KCTD16: variants seen among roughly 807,000 people sequenced by gnomAD.
KCTD16 encodes the protein potassium channel tetramerization domain containing 16, also known as BTB/POZ domain-containing protein KCTD16.
A neutral mutation model predicts 33.2 loss-of-function variants in KCTD16; 13 were observed. That is an observed-to-expected ratio of 0.39 (90% CI 0.25 to 0.62). KCTD16 has a LOEUF of 0.62. Among genes scored for constraint, KCTD16 ranks in the 20% least tolerant of loss-of-function variants. KCTD16 has a pLI of 0.50. For missense variants in KCTD16, 441 were observed against 525.1 expected (o/e 0.84, Z 1.57); for synonymous variants, 197 against 195.3 (o/e 1.01, Z -0.07).
At chr5:144,356,429 A>G (rs1751573321) in intron 3 of KCTD16, among the ~76,000 whole-genome samples, 1 of 151,968 alleles carries the variant, frequency 6.6e-6, no homozygotes, top group Non-Finnish European at 1.5e-5. Context: ...TTTTTTCATG[A>G]AACCCATCTA....
intron 3 of KCTD16, among the ~76,000 whole-genome samples, chr5:144,465,868 T>C (rs1359281652): frequency 6.7e-6 from 1 of 149,620 alleles, no homozygotes; most frequent in Non-Finnish European, 1.5e-5. Flanking sequence ...GTAGACCGGT[T>C]GCTCTTGTCA....
intron 3 of KCTD16, among the ~76,000 whole-genome samples, chr5:144,468,951 G>A (rs1486244048): frequency 6.6e-6 from 1 of 152,174 alleles, no homozygotes; most frequent in Non-Finnish European, 1.5e-5. Context: ...TTCTGTTTAA[G>A]TTCTTCTTTA....
chr5:144,264,587 A>T (rs1470579619), intron 3 of KCTD16, among the ~76,000 whole-genome samples: 1 of 151,824 alleles, frequency 6.6e-6, no homozygotes, highest in African/African-American at 2.4e-5. Flanking sequence ...ACATAGGAAG[A>T]CCCCATCTCT....
At chr5:144,449,899 T>G (rs1300665925) in intron 3 of KCTD16, among the ~76,000 whole-genome samples, 1 of 152,034 alleles carries the variant, frequency 6.6e-6, no homozygotes, top group Non-Finnish European at 1.5e-5. Context: ...CAATGTTTTC[T>G]TGGATATGAA....
intron 3 of KCTD16, among the ~76,000 whole-genome samples, chr5:144,367,287 G>C (rs966312449): frequency 4.0e-5 from 6 of 151,836 alleles, no homozygotes; most frequent in African/African-American, 1.5e-4. Flanking sequence ...CAAGCAGGCT[G>C]GCCAAGAGCA....
At chr5:144,385,529 T>C (rs1214242321) in intron 3 of KCTD16, among the ~76,000 whole-genome samples, 1 of 152,158 alleles carries the variant, frequency 6.6e-6, no homozygotes, top group Non-Finnish European at 1.5e-5. Flanking sequence ...CATGAAATAT[T>C]TTCCCCCAGA....
chr5:144,445,054 C>G (rs1173929586), intron 3 of KCTD16, among the ~76,000 whole-genome samples: 1 of 150,150 alleles, frequency 6.7e-6, no homozygotes, highest in African/African-American at 2.4e-5. Flanking sequence ...TGTTCTGTTC[C>G]CTTGCCTCAT....
intron 2 of KCTD16, among the ~76,000 whole-genome samples, chr5:144,189,343 A>C (rs1752791999): frequency 6.6e-6 from 1 of 152,000 alleles, no homozygotes; most frequent in South Asian, 2.1e-4. Flanking sequence ...ATACAGTAAC[A>C]AAATTAGCCG....
At chr5:144,344,850 T>A (rs831412) in intron 3 of KCTD16, among the ~76,000 whole-genome samples, 28,850 of 146,050 alleles carry the variant, frequency 0.2, 3,271 homozygotes, top group Non-Finnish European at 0.26. Context: ...CCATCCCATT[T>A]CTGGGTATAT....
rs1210292993 is a variant in KCTD16, at chr5:144,299,147, TA to T, written c.832+91602del. Reference sequence around the variant, plus strand: ...ATATATATATATATATATATATATATATTTTTTTTTTTTTTTTTAACCTGTC... The same window carrying T: ...ATATATATATATATATATATATATATTTTTTTTTTTTTTTTTTAACCTGTC... On this transcript the variant is annotated intron_variant, in intron 3 of 3. Transcript: ENST00000512467. 7.7e-3 allele frequency among the ~76,000 whole-genome samples: 116 copies of T among 15,108 alleles called. 4 individuals are homozygous for T. The highest frequency in any genetic ancestry group is 9.5e-3 in the Non-Finnish European group (93 of 9,806). 9.9% of individuals were successfully genotyped at this position (15,108 alleles called of 152,430 possible).
Position 144,481,505 on chromosome 5 carries a change from A to C in KCTD16, c.*7391A>C, listed in dbSNP as rs1366858776. 2 of 151,948 alleles carry C rather than the reference A, an allele frequency of 1.3e-5. No individual in the cohort carries two copies. Among genetic ancestry groups the C allele is most frequent in the African/African-American group, 4.8e-5 (2 of 41,410 alleles). The allele number at this position is 151,948 out of a possible 1,614,324, so 9.4% of individuals were successfully genotyped here. On this transcript the variant is annotated 3_prime_UTR_variant, in exon 4 of 4. Coordinates refer to ENST00000512467, the MANE Select transcript of KCTD16 (RefSeq NM_020768.4). ...GAGTCTTATTGTTTAGTTTATATAC[A>C]CTGACTTTATTAGAACACAATTTGT...
At chr5:144,361,019 G>A (rs1364401010) in intron 3 of KCTD16, among the ~76,000 whole-genome samples, 1 of 150,678 alleles carries the variant, frequency 6.6e-6, no homozygotes, top group African/African-American at 2.4e-5. Context: ...TCGTCATCTA[G>A]CATTAGGTAT....
intron 3 of KCTD16, among the ~76,000 whole-genome samples, chr5:144,424,038 A>T (rs377419575): frequency 8.5e-5 from 13 of 152,196 alleles, no homozygotes; most frequent in African/African-American, 3.1e-4. Context: ...CTTTATACTG[A>T]AGTATGAAAG....
At chr5:144,355,440 A>T (rs1300681589) in intron 3 of KCTD16, among the ~76,000 whole-genome samples, 1 of 152,176 alleles carries the variant, frequency 6.6e-6, no homozygotes, top group East Asian at 1.9e-4. Flanking sequence ...ATGTTAGGAA[A>T]GGTGAAACTT....
chr5:144,431,080 G>A (rs1753448505), intron 3 of KCTD16, among the ~76,000 whole-genome samples: 1 of 152,066 alleles, frequency 6.6e-6, no homozygotes, highest in East Asian at 1.9e-4. Context: ...GGACCCTTGA[G>A]ATTAAATGCA....
In KCTD16 at chr5:144,435,227, G is replaced by T. The variant is rs114686523; in HGVS notation, c.833-38433G>T. 5.2e-3 allele frequency among the ~76,000 whole-genome samples: 788 copies of T among 152,258 alleles called. 7 individuals are homozygous for T. The highest frequency in any genetic ancestry group is 0.018 in the African/African-American group (756 of 41,546). On this transcript the variant is annotated intron_variant, in intron 3 of 3. Coordinates refer to ENST00000512467, the MANE Select transcript of KCTD16 (RefSeq NM_020768.4). ...TTGAATAGCTATGACCTTAGCTAGG[G>T]CGTTTTACCTGTCTGTAAATTGCTT...
intron 2 of KCTD16, among the ~76,000 whole-genome samples, chr5:144,181,954 C>A (rs375584295): frequency 6.6e-6 from 1 of 151,878 alleles, no homozygotes; most frequent in African/African-American, 2.4e-5. Flanking sequence ...ATTAGCCAGC[C>A]GTGGTGGCAC....
At chr5:144,264,228 G>A (rs911609561) in intron 3 of KCTD16, among the ~76,000 whole-genome samples, 15 of 152,140 alleles carry the variant, frequency 9.9e-5, no homozygotes, top group African/African-American at 3.6e-4. Context: ...TAAAGATTAT[G>A]CATGCTTACT....
chr5:144,181,962 C>T (rs561102683), intron 2 of KCTD16, among the ~76,000 whole-genome samples: 15 of 151,978 alleles, frequency 9.9e-5, no homozygotes, highest in African/African-American at 3.4e-4. Flanking sequence ...GCCGTGGTGG[C>T]ACGTGCCTGT....
Sources: allele counts gnomAD v4.1 joint callset (sites outside exome capture counted in the v4.1 genomes callset), GRCh38; gene constraint gnomAD v4.1.1; transcripts MANE v1.5; gene names NCBI Gene and HGNC (gene_info 2026-07-23, HGNC 2026-07-21).